The following HDAC11 variants were observed in gnomAD, a reference collection of about 807,000 sequenced individuals.
HDAC11 encodes the protein histone deacetylase 11.
Under a neutral mutation model 41.1 loss-of-function variants are expected in HDAC11, and 23 were observed. That is an observed-to-expected ratio of 0.56 (90% CI 0.40 to 0.79). The LOEUF (loss-of-function observed/expected upper bound fraction) is 0.79. Ranked by LOEUF, HDAC11 falls within the 30% of genes least tolerant of loss-of-function variation. HDAC11 has a pLI of 0.00. For missense variants in HDAC11, 402 were observed against 477.3 expected, an observed-to-expected ratio of 0.84 and a Z score of 1.47; for synonymous variants, 187 against 186.6, an observed-to-expected ratio of 1.00 and a Z score of -0.02.
intron 3 of HDAC11, among the ~76,000 whole-genome samples, chr3:13,490,555 T>A (rs1701804836): frequency 6.6e-6 from 1 of 152,092 alleles, no homozygotes. Flanking sequence ...ATCTTGCACC[T>A]CTTGGTTAAA....
chr3:13,480,421 C>A lies in HDAC11; in HGVS notation c.2+72C>A. 1 of 727,982 alleles carries A rather than the reference C, an allele frequency of 1.4e-6. No individual in the cohort carries two copies. Among genetic ancestry groups the A allele is most frequent in the Non-Finnish European group, 1.8e-6 (1 of 542,352 alleles). 45.1% of individuals were successfully genotyped at this position (727,982 alleles called of 1,614,324 possible). A position where few individuals can be genotyped will look rare whatever the true frequency, so the allele number is the denominator to read the frequency against. On this transcript the variant is annotated intron_variant, in intron 1 of 9. Transcript: ENST00000295757. This position sits in a 1 kb window ranked among gnomAD's most constrained non-coding sequence, Gnocchi z 4.6. ...GTGGGCGGGCGCGCTAGGGCGAGGG[C>A]GGGGACGGCCGGGCGGGCGCGCCAG...
chr3:13,500,636 G>A (rs1702314194), intron 5 of HDAC11, 77 bp from the exon 6 acceptor site: 1 of 1,176,466 alleles, frequency 8.5e-7, no homozygotes, highest in Non-Finnish European at 1.2e-6. Context: ...TGCTGGGGGA[G>A]GTGAAGGGAT....
Position 13,483,582 on chromosome 3 carries a change from TG to T in HDAC11, c.252+24del. On this transcript the variant is annotated intron_variant, in intron 3 of 9. Transcript: ENST00000295757. ...AGCTCAAGGTACAGGATGTCGGGCC[TG>T]GGGGGCTGCGGGCCTGGGGCAGGGG... 5 of 1,268,450 alleles carry T rather than the reference TG, an allele frequency of 3.9e-6. No homozygotes were observed. Among genetic ancestry groups the T allele is most frequent in the Admixed American group, 3.5e-5 (2 of 56,532 alleles). 78.6% of individuals were successfully genotyped at this position (1,268,450 alleles called of 1,614,324 possible). A position where few individuals can be genotyped will look rare whatever the true frequency, so the allele number is the denominator to read the frequency against.
At chr3:13,492,653 T>C (rs1472682388) in intron 3 of HDAC11, among the ~76,000 whole-genome samples, 1 of 152,082 alleles carries the variant, frequency 6.6e-6, no homozygotes, top group Admixed American at 6.5e-5. Flanking sequence ...GAAGAGATTC[T>C]CCTCCCTCGC....
In HDAC11 at chr3:13,480,320, G is replaced by A. The variant is rs1215631341; in HGVS notation, c.-28G>A. 1.6e-6 allele frequency: 2 copies of A among 1,233,364 alleles called. No homozygotes were observed. Among genetic ancestry groups the A allele is most frequent in the East Asian group, 3.2e-5 (1 of 31,060 alleles). 76.4% of individuals were successfully genotyped at this position (1,233,364 alleles called of 1,614,324 possible). A position where few individuals can be genotyped will look rare whatever the true frequency, so the allele number is the denominator to read the frequency against. On this transcript the variant is annotated 5_prime_UTR_variant, in exon 1 of 10. Coordinates refer to ENST00000295757, the MANE Select transcript of HDAC11 (RefSeq NM_024827.4). This position sits in a 1 kb window ranked among gnomAD's most constrained non-coding sequence, Gnocchi z 4.6. ...CCGCCCCGCCCGGTCGCGGAGCTGCGGCCAGCTTTGGGAGGGCCGGCCCCG... is the reference window on the plus strand; with the variant it reads ...CCGCCCCGCCCGGTCGCGGAGCTGCAGCCAGCTTTGGGAGGGCCGGCCCCG...
chr3:13,497,854 CTTTTTTTTTTTTTT>C (rs10667297), intron 4 of HDAC11, among the ~76,000 whole-genome samples: 2 of 106,090 alleles, frequency 1.9e-5, no homozygotes, highest in East Asian at 5.8e-4. Context: ...TCTTTTTTTG[CTTTTTTTTTTTTTT>C]TTTTTGAGAC....
intron 3 of HDAC11, among the ~76,000 whole-genome samples, chr3:13,490,463 C>A (rs925143156): frequency 6.6e-6 from 1 of 152,252 alleles, no homozygotes; most frequent in African/African-American, 2.4e-5. Flanking sequence ...TTCGGTCTTT[C>A]AATCCATGAA....
chr3:13,486,569 G>A (rs556959394), intron 3 of HDAC11, among the ~76,000 whole-genome samples: 1 of 123,484 alleles, frequency 8.1e-6, no homozygotes, highest in Non-Finnish European at 1.6e-5. Context: ...TCATGTAGAG[G>A]TGTTTTTTTT....
intron 6 of HDAC11, among the ~76,000 whole-genome samples, chr3:13,501,059 G>A (rs553483978): frequency 7.2e-5 from 11 of 152,298 alleles, no homozygotes; most frequent in African/African-American, 2.4e-4. Flanking sequence ...GTCAGGATCT[G>A]CTGTATAGCC....
chr3:13,483,438 G>A, intron 2 of HDAC11, 26 bp from the exon 3 acceptor site: 1 of 1,602,866 alleles, frequency 6.2e-7, no homozygotes, highest in African/African-American at 1.3e-5. Flanking sequence ...CAGTGGGGAA[G>A]CAGGATGCTC....
Position 13,481,288 on chromosome 3 carries a change from C to G in HDAC11, c.45C>G (p.Arg15=). Residue 15 remains arginine (R), a synonymous_variant, in exon 2 of 10, where the codon CGC becomes CGG. Transcript: ENST00000295757. ...TQLYQHVPET[R]WPIVYSPRYN... ...TGTACCAGCATGTGCCAGAGACACG[C>G]TGGCCAATCGTGTACTCGCCGCGCT... is the stretch of plus-strand genomic sequence containing the variant. 6.2e-7 allele frequency: 1 copy of G among 1,612,868 alleles called. No individual in the cohort carries two copies. Among genetic ancestry groups the G allele is most frequent in the Non-Finnish European group, 8.5e-7 (1 of 1,180,002 alleles).
intron 6 of HDAC11, 42 bp from the exon 7 acceptor site, chr3:13,501,829 G>C (rs1419163425): frequency 1.9e-6 from 3 of 1,592,196 alleles, no homozygotes; most frequent in South Asian, 1.1e-5. Context: ...TGGGTCCTCT[G>C]TCCGCCCCAG....
intron 4 of HDAC11, among the ~76,000 whole-genome samples, chr3:13,497,915 G>C (rs1473593624): frequency 6.8e-6 from 1 of 148,068 alleles, no homozygotes; most frequent in East Asian, 2.1e-4. Flanking sequence ...GAGTGCAGGG[G>C]TGTGACCTTG....
intron 3 of HDAC11, among the ~76,000 whole-genome samples, chr3:13,492,555 AT>A (rs1701915463): frequency 1.3e-5 from 2 of 151,972 alleles, no homozygotes; most frequent in East Asian, 3.9e-4. Flanking sequence ...ATTTTATTTT[AT>A]TTTTTTGAGA....
intron 5 of HDAC11, among the ~76,000 whole-genome samples, chr3:13,499,652 C>T (rs1324481686): frequency 1.3e-5 from 2 of 152,158 alleles, no homozygotes; most frequent in Non-Finnish European, 2.9e-5. Context: ...TTGAGGGGAG[C>T]CCCACTCTGC....
intron 3 of HDAC11, among the ~76,000 whole-genome samples, chr3:13,484,510 A>C (rs1253481501): frequency 6.6e-6 from 1 of 151,736 alleles, no homozygotes; most frequent in Non-Finnish European, 1.5e-5. Flanking sequence ...CCAGGAATCC[A>C]GATTATTAAG....
chr3:13,493,183 C>T (rs1701943887), intron 3 of HDAC11, among the ~76,000 whole-genome samples: 1 of 152,134 alleles, frequency 6.6e-6, no homozygotes, highest in Non-Finnish European at 1.5e-5. Context: ...CCACCCACAG[C>T]TCCCTCGGGG....
In HDAC11 at chr3:13,502,985, G is replaced by T; in HGVS notation, c.649+5G>T. ...CAGGGGACCGCTTTGCCAAGCGTAA[G>T]CTGCTGCCCCTACCCTCATCTTGGG... On this transcript the variant is annotated splice_donor_5th_base_variant and intron_variant, in intron 8 of 9. Coordinates refer to ENST00000295757, the MANE Select transcript of HDAC11 (RefSeq NM_024827.4). The surrounding 1 kb of genome is among the most constrained non-coding windows in gnomAD (Gnocchi z 4.1). 1 of 1,608,890 alleles carries T rather than the reference G, an allele frequency of 6.2e-7. No homozygotes were observed.
chr3:13,480,824 T>C lies in HDAC11; in HGVS notation c.3-422T>C, dbSNP rs1701280931. 2.5e-6 allele frequency: 1 copy of C among 404,100 alleles called. No individual in the cohort carries two copies. 25.0% of individuals were successfully genotyped at this position (404,100 alleles called of 1,614,324 possible). A position where few individuals can be genotyped will look rare whatever the true frequency, so the allele number is the denominator to read the frequency against. On this transcript the variant is annotated intron_variant, in intron 1 of 9. Transcript: ENST00000295757. This position sits in a 1 kb window ranked among gnomAD's most constrained non-coding sequence, Gnocchi z 4.6. ...GTGCTTACTGTGCTCAGCTCCTCAG[T>C]TGCATTCTCTGAGTCCTCACAACAG... is the stretch of plus-strand genomic sequence containing the variant.
Sources: gnomAD v4.1 joint callset for allele counts (sites outside exome capture counted in the v4.1 genomes callset) on GRCh38, gnomAD v4.1.1 for gene constraint, Gnocchi (gnomAD v3.1) non-coding constraint, MANE v1.5 for transcripts, NCBI Gene and HGNC (gene_info 2026-07-23, HGNC 2026-07-21) for gene names.